PLEKHG5: variants seen among roughly 807,000 people sequenced by gnomAD.
PLEKHG5 encodes the protein pleckstrin homology and RhoGEF domain containing G5.
PLEKHG5 carries 52 observed loss-of-function variants against 103.8 expected under a neutral mutation model. That is an observed-to-expected ratio of 0.50 (90% CI 0.40 to 0.63). PLEKHG5 has a LOEUF of 0.63. Among genes scored for constraint, PLEKHG5 ranks in the 30% least tolerant of loss-of-function variants. The pLI is 0.00. For missense variants in PLEKHG5, 1,205 were observed against 1,347.6 expected (o/e 0.89, Z 1.66); for synonymous variants, 592 against 575.5 (o/e 1.03, Z -0.41).
chr1:6,506,457 C>T (rs746775522), intron 1 of PLEKHG5, among the ~76,000 whole-genome samples: 39 of 152,222 alleles, frequency 2.6e-4, no homozygotes, highest in Non-Finnish European at 5.4e-4. Flanking sequence ...GACGGGCTGG[C>T]CGTCTGGGGA....
At chr1:6,477,890 T>A (rs1025691998) in intron 1 of PLEKHG5, among the ~76,000 whole-genome samples, 12 of 152,078 alleles carry the variant, frequency 7.9e-5, no homozygotes, top group Non-Finnish European at 1.5e-4. Context: ...TTCTTTTTTT[T>A]CTTTTTCTGA....
chr1:6,472,662 G>T, intron 9 of PLEKHG5, 40 bp from the exon 10 acceptor site: 1 of 1,466,234 alleles, frequency 6.8e-7, no homozygotes, highest in Non-Finnish European at 9.5e-7. Context: ...GAGGCCTGGA[G>T]CACCTTAGGG....
rs184242303 is a variant in PLEKHG5, at chr1:6,469,142, C to A, written c.2149G>T (p.Glu717Ter). The A allele has an allele frequency of 2.5e-6, 4 of 1,612,396 alleles. No homozygotes were observed. The highest frequency in any genetic ancestry group is 3.4e-6 in the Non-Finnish European group (4 of 1,179,524). Residue 717 changes from glutamate (E) to a stop codon, truncating the protein, a stop_gained, in exon 19 of 21, where the codon GAG (glutamate) becomes TAG (stop). Coordinates refer to ENST00000377728, the MANE Select transcript of PLEKHG5 (RefSeq NM_020631.6). LOFTEE classifies it high-confidence loss of function. ...TCGCCTTCCTCCTCCTCCTCCTCCT[C>A]CTCCTCTTCCTCCTCCTGCTCATCC... ...EEDEQEEEEE[E>*]EEEEEEGEDS... is the part of the protein sequence containing the mutation.
chr1:6,469,803 A>C, intron 16 of PLEKHG5, 127 bp from the exon 17 acceptor site: 3 of 809,130 alleles, frequency 3.7e-6, no homozygotes, highest in Non-Finnish European at 6.0e-6. Context: ...CCTTCAAGTA[A>C]AATTAAAATG....
chr1:6,512,364 G>T (rs975424266), intron 1 of PLEKHG5, among the ~76,000 whole-genome samples: 2 of 152,168 alleles, frequency 1.3e-5, no homozygotes, highest in Non-Finnish European at 2.9e-5. Context: ...CCCCAGATGT[G>T]CCCCCTGACT....
At position 6,469,389 on chromosome 1, in the gene PLEKHG5, C is replaced by G. The variant is rs1644499485; in HGVS notation, c.1995G>C (p.Gln665His). 1 of 1,614,048 alleles carries G rather than the reference C, an allele frequency of 6.2e-7. No individual in the cohort carries two copies. Among genetic ancestry groups the G allele is most frequent in the African/African-American group, 1.3e-5 (1 of 74,942 alleles). Reference sequence around the variant, plus strand: ...CACGGCACAAGGCCTGGCCACTGGCCTGGAACGTGTAGGCCCCTACAGCAC... The same window carrying G: ...CACGGCACAAGGCCTGGCCACTGGCGTGGAACGTGTAGGCCCCTACAGCAC... The part of the protein sequence containing the change: ...FHSAVGAYTF[Q>H]ASGQALCRGW... The change falls in exon 18 of 21, where the codon CAG becomes CAC. Residue 665 changes from glutamine (Q) to histidine (H), a missense_variant. Physicochemically the swap from Gln to His is conservative, Grantham distance 24. Coordinates refer to ENST00000377728, the MANE Select transcript of PLEKHG5 (RefSeq NM_020631.6).
In PLEKHG5 at chr1:6,467,308, C is replaced by T. The variant is rs1416611000; in HGVS notation, c.*255G>A. 2.0e-5 allele frequency: 12 copies of T among 610,018 alleles called. 1 individual carries two copies. Among genetic ancestry groups the T allele is most frequent in the Admixed American group, 1.2e-4 (5 of 40,782 alleles). The allele number at this position is 610,018 out of a possible 1,614,324, so 37.8% of individuals were successfully genotyped here. On this transcript the variant is annotated 3_prime_UTR_variant, in exon 21 of 21. Coordinates refer to ENST00000377728, the MANE Select transcript of PLEKHG5 (RefSeq NM_020631.6). ...GCCTAGGAGCCCAGCCCTGAAGACT[C>T]GAGCTGAGCTGGTAACTTCGGGGAG...
At chr1:6,496,395 G>T, upstream of PLEKHG5, 2 of 960,292 alleles carry the variant, frequency 2.1e-6, no homozygotes, top group Non-Finnish European at 3.3e-6. Flanking sequence ...CCGCGCCCGT[G>T]CCAGGGCTCT....
At chr1:6,519,758 T>C (rs932732793) in exon 1 of PLEKHG5, 2 of 593,352 alleles carry the variant, frequency 3.4e-6, no homozygotes, top group Admixed American at 3.0e-5. Context: ...GGGCGCTGTA[T>C]ATTTGAAGGC....
chr1:6,499,506 C>T (rs1208657145), upstream of PLEKHG5, among the ~76,000 whole-genome samples: 1 of 152,210 alleles, frequency 6.6e-6, no homozygotes, highest in Non-Finnish European at 1.5e-5. Flanking sequence ...GGGCTCTGCT[C>T]TAAAGCTGCA....
At position 6,469,069 on chromosome 1, in the gene PLEKHG5, C is replaced by T; in HGVS notation, c.2222G>A (p.Ser741Asn). The T allele has an allele frequency of 6.2e-7, 1 of 1,613,456 alleles. No individual in the cohort carries two copies. The highest frequency in any genetic ancestry group is 2.2e-5 in the East Asian group (1 of 44,880). Residue 741 changes from serine (S) to asparagine (N), a missense_variant, in exon 19 of 21, where the codon AGC becomes AAC. By Grantham distance (46) the Ser-to-Asn change is conservative. Coordinates refer to ENST00000377728, the MANE Select transcript of PLEKHG5 (RefSeq NM_020631.6). Reference protein sequence around the residue: ...AASSPTIMRKSSGSPDSQHCA... With the variant: ...AASSPTIMRKNSGSPDSQHCA... The stretch of plus-strand genomic sequence containing the variant: ...GTGCTGAGAGTCGGGGCTGCCGCTG[C>T]TTTTCCGCATGATGGTAGGGGAGCT...
At chr1:6,516,755 ATATATATATGTG>A (rs910276120) in intron 1 of PLEKHG5, among the ~76,000 whole-genome samples, 27 of 69,522 alleles carry the variant, frequency 3.9e-4, no homozygotes, top group East Asian at 3.0e-3. Context: ...GTGTGTGTGT[ATATATATATGTG>A]TATATATATG....
At chr1:6,476,650 A>G (rs1487869965) in intron 2 of PLEKHG5, among the ~76,000 whole-genome samples, 1 of 152,242 alleles carries the variant, frequency 6.6e-6, no homozygotes, top group Non-Finnish European at 1.5e-5. Flanking sequence ...AGGTTATTAC[A>G]GGAAGGGACC....
intron 1 of PLEKHG5, among the ~76,000 whole-genome samples, chr1:6,483,084 C>T (rs551336013): frequency 5.3e-5 from 8 of 152,310 alleles, no homozygotes; most frequent in East Asian, 3.9e-4. Flanking sequence ...TCAGGTCAGC[C>T]GGGATTACGG....
chr1:6,472,664 A>G (rs1188511619), intron 9 of PLEKHG5, 42 bp from the exon 10 acceptor site: 1 of 1,458,448 alleles, frequency 6.9e-7, no homozygotes, highest in Non-Finnish European at 9.5e-7. Context: ...GGCCTGGAGC[A>G]CCTTAGGGTG....
At position 6,467,625 on chromosome 1, in the gene PLEKHG5, G is replaced by A. The variant is rs993349182; in HGVS notation, c.3012-53C>T. On this transcript the variant is annotated intron_variant, in intron 20 of 20. Coordinates refer to ENST00000377728, the MANE Select transcript of PLEKHG5 (RefSeq NM_020631.6). ...TTCTTTGGCTGACGCCATTCAGAGT[G>A]GCTCTGGTCACCCTCTCTTCCCCAC... 2.7e-4 allele frequency: 425 copies of A among 1,592,792 alleles called. 1 individual carries two copies. The highest frequency in any genetic ancestry group is 1.0e-4 in the Admixed American group (6 of 59,958).
chr1:6,469,583 G>A lies in PLEKHG5; in HGVS notation c.1894C>T (p.Leu632Phe), dbSNP rs762146718. The A allele has an allele frequency of 6.2e-7, 1 of 1,613,904 alleles. No individual in the cohort carries two copies. Among genetic ancestry groups the A allele is most frequent in the Admixed American group, 1.7e-5 (1 of 60,034 alleles). The change falls in exon 17 of 21, where the codon CTC (leucine) becomes TTC (phenylalanine). Residue 632 changes from leucine to phenylalanine, a missense_variant. Physicochemically the swap from Leu to Phe is conservative, Grantham distance 22. Coordinates refer to ENST00000377728, the MANE Select transcript of PLEKHG5 (RefSeq NM_020631.6). ...TCCCGGCACACAATCTTGTCCACGA[G>A]CAGGGGTGGCCTGATGACCCTGGTC... ...ERTRVIRPPL[L>F]VDKIVCRELR... is the part of the protein sequence containing the mutation.
intron 1 of PLEKHG5, among the ~76,000 whole-genome samples, chr1:6,515,833 A>G (rs1284201348): frequency 3.9e-5 from 6 of 152,124 alleles, no homozygotes; most frequent in African/African-American, 1.4e-4. Context: ...CTCTGCCAAG[A>G]GCCATGGCAT....
At chr1:6,489,672 C>T (rs1199069820) in intron 1 of PLEKHG5, among the ~76,000 whole-genome samples, 2 of 152,266 alleles carry the variant, frequency 1.3e-5, no homozygotes, top group East Asian at 1.9e-4. Context: ...TGGTAGGGAG[C>T]GGGGGAAAGA....
Sources: gnomAD v4.1 joint callset for allele counts (sites outside exome capture counted in the v4.1 genomes callset) on GRCh38, gnomAD v4.1.1 for gene constraint, MANE v1.5 for transcripts, NCBI Gene and HGNC (gene_info 2026-07-23, HGNC 2026-07-21) for gene names.